Variants in OGDH observed in about 807,000 individuals in gnomAD.
OGDH encodes oxoglutarate dehydrogenase.
Under a neutral mutation model 116.6 loss-of-function variants are expected in OGDH, and 38 were observed. The observed-to-expected ratio is 0.33, with a 90% CI of 0.25 to 0.43. The LOEUF (loss-of-function observed/expected upper bound fraction) is 0.43, where lower values mean the gene tolerates loss of function less well. OGDH is among the 20% of genes least tolerant of loss of function. The probability of loss-of-function intolerance (pLI) is 1.00; values close to 1 mark genes in which losing one functional copy is unlikely to be tolerated. For synonymous variants in OGDH, 488 were observed against 533.3 expected, an observed-to-expected ratio of 0.92 and a Z score of 1.17; for missense variants, 825 against 1,357.2, an observed-to-expected ratio of 0.61 and a Z score of 6.16.
At chr7:44,660,669 C>G (rs1381049589) in intron 4 of OGDH, among the ~76,000 whole-genome samples, 1 of 152,098 alleles carries the variant, frequency 6.6e-6, no homozygotes, top group Non-Finnish European at 1.5e-5. Context: ...TGGTTCATGC[C>G]TATAAACCCA....
At chr7:44,683,282 T>C (rs577917607) in intron 10 of OGDH, among the ~76,000 whole-genome samples, 1 of 152,318 alleles carries the variant, frequency 6.6e-6, no homozygotes, top group African/African-American at 2.4e-5. Flanking sequence ...CACGCTGGAG[T>C]GTAGGGGCAT....
intron 5 of OGDH, among the ~76,000 whole-genome samples, chr7:44,669,144 G>GTTTTTTTTTTTTT (rs1585325619): frequency 9.7e-6 from 1 of 102,956 alleles, no homozygotes; most frequent in Non-Finnish European, 1.7e-5. Context: ...GAGCCCGGCA[G>GTTTTTTTTTTTTT]CTTTTTTTTT....
chr7:44,606,923 G>C (rs914447758), intron 1 of OGDH, among the ~76,000 whole-genome samples: 12 of 152,142 alleles, frequency 7.9e-5, no homozygotes, highest in Non-Finnish European at 1.6e-4. Flanking sequence ...GAGGTCGCGC[G>C]GGGCGCGGAG....
At chr7:44,650,186 T>A (rs1786374839) in intron 4 of OGDH, among the ~76,000 whole-genome samples, 1 of 152,172 alleles carries the variant, frequency 6.6e-6, no homozygotes, top group African/African-American at 2.4e-5. Context: ...CGTAAACTTG[T>A]TAAAACATTT....
chr7:44,669,216 A>C (rs1562655333), intron 5 of OGDH, among the ~76,000 whole-genome samples: 1 of 143,344 alleles, frequency 7.0e-6, no homozygotes, highest in Non-Finnish European at 1.5e-5. Flanking sequence ...GCAGTGGCAC[A>C]ATCATGGCCC....
intron 5 of OGDH, among the ~76,000 whole-genome samples, chr7:44,668,257 T>C (rs2116068406): frequency 6.6e-6 from 1 of 152,214 alleles, no homozygotes; most frequent in African/African-American, 2.4e-5. Flanking sequence ...GCCAAGATCG[T>C]GAAACGCCAT....
In OGDH at chr7:44,624,312, T is replaced by TTTAA; in HGVS notation, c.-27-5_-27-4insTTAA. ...TCTTGTTTTTTTTTTTTTTTTTTTG[T>TTTAA]ACAGGCAGTTGTGAAAAACTTCAGG... On this transcript the variant is annotated splice_region_variant and splice_polypyrimidine_tract_variant and intron_variant, in intron 1 of 22. Transcript: ENST00000222673. The TTTAA allele has an allele frequency of 2.4e-6, 3 of 1,255,802 alleles. No homozygotes were observed. The highest frequency in any genetic ancestry group is 3.3e-6 in the Non-Finnish European group (3 of 905,942). The allele number at this position is 1,255,802 out of a possible 1,614,324, so 77.8% of individuals were successfully genotyped here.
At position 44,645,345 on chromosome 7, in the gene OGDH, C is replaced by G; in HGVS notation, c.241C>G (p.Arg81Gly). ...SVHKSWDIFF[R>G]NTNAGAPPGT... ...TCTTTAGTCATGGGACATTTTTTTT[C>G]GCAACACGAATGCCGGAGCCCCACC... The change falls in exon 3 of 23, where the codon CGC becomes GGC. Residue 81 changes from arginine (R) to glycine (G), a missense_variant. Transcript: ENST00000222673. 6.2e-6 allele frequency: 10 copies of G among 1,608,980 alleles called. No individual in the cohort carries two copies. The highest frequency in any genetic ancestry group is 7.6e-6 in the Non-Finnish European group (9 of 1,178,622).
At position 44,701,549 on chromosome 7, in the gene OGDH, A is replaced by G. The variant is rs773049239; in HGVS notation, c.2566A>G (p.Ile856Val). The G allele has an allele frequency of 2.5e-6, 4 of 1,613,900 alleles. No homozygotes were observed. The highest frequency in any genetic ancestry group is 3.4e-6 in the Non-Finnish European group (4 of 1,179,900). ...ILLPFRKPLI[I>V]FTPKSLLRHP... ...CTATTGTTCTGTATTTCAGTTAATT[A>G]TCTTCACCCCCAAATCCCTGTTGCG... The change falls in exon 20 of 23, where the codon ATC (isoleucine) becomes GTC (valine). Residue 856 changes from isoleucine (I) to valine (V), a missense_variant. Around this residue, in one of 7 missense-constraint regions of OGDH, gnomAD observed 212 missense variants for 284.3 expected, o/e 0.75. Transcript: ENST00000222673.
At chr7:44,667,692 C>T (rs1787245335) in intron 5 of OGDH, among the ~76,000 whole-genome samples, 1 of 152,182 alleles carries the variant, frequency 6.6e-6, no homozygotes, top group Non-Finnish European at 1.5e-5. Flanking sequence ...ATAAGGGTGA[C>T]TTCTATGCCC....
intron 10 of OGDH, among the ~76,000 whole-genome samples, chr7:44,682,269 C>T (rs879635738): frequency 6.6e-6 from 1 of 151,834 alleles, no homozygotes; most frequent in Non-Finnish European, 1.5e-5. Flanking sequence ...CCTGTGATCC[C>T]AGCTGCTTGG....
chr7:44,682,074 C>A (rs964372225), intron 10 of OGDH, among the ~76,000 whole-genome samples: 2 of 152,070 alleles, frequency 1.3e-5, no homozygotes, highest in African/African-American at 4.8e-5. Context: ...TAGTGAGACC[C>A]CCTTTCTCTG....
At chr7:44,660,299 A>T (rs1057399651) in intron 4 of OGDH, among the ~76,000 whole-genome samples, 2 of 152,026 alleles carry the variant, frequency 1.3e-5, no homozygotes, top group Admixed American at 6.6e-5. Flanking sequence ...TATTTTTAAA[A>T]TTTTTTATAG....
chr7:44,648,989 A>C (rs1486174496), intron 4 of OGDH, among the ~76,000 whole-genome samples: 1 of 151,954 alleles, frequency 6.6e-6, no homozygotes, highest in Non-Finnish European at 1.5e-5. Context: ...CTCACCCCTT[A>C]GTACAGCAAA....
rs41280651 is a variant in OGDH, at chr7:44,674,186, A to G, written c.789-225A>G. 2.7e-3 allele frequency among the ~76,000 whole-genome samples: 405 copies of G among 152,366 alleles called. 1 individual carries two copies. Among genetic ancestry groups the G allele is most frequent in the Non-Finnish European group, 4.2e-3 (283 of 68,034 alleles). ...CAGCCTCCTGAGTAGCAGGGATTAC[A>G]GAGGCACACCACCACGGCTGGCTAA... On this transcript the variant is annotated intron_variant, in intron 6 of 22. Coordinates refer to ENST00000222673, the MANE Select transcript of OGDH (RefSeq NM_002541.4).
At chr7:44,639,576 G>C (rs748323834) in intron 2 of OGDH, among the ~76,000 whole-genome samples, 13 of 152,206 alleles carry the variant, frequency 8.5e-5, no homozygotes, top group Non-Finnish European at 1.6e-4. Flanking sequence ...GTTTAGTGCA[G>C]TAGGTTTTGC....
intron 1 of OGDH, among the ~76,000 whole-genome samples, chr7:44,607,521 A>G (rs892727261): frequency 6.6e-6 from 1 of 152,140 alleles, no homozygotes; most frequent in Non-Finnish European, 1.5e-5. Flanking sequence ...TGCTCTGAAC[A>G]GCTGGGTTTA....
intron 5 of OGDH, among the ~76,000 whole-genome samples, chr7:44,668,644 G>A (rs1787291892): frequency 6.6e-6 from 1 of 152,130 alleles, no homozygotes; most frequent in African/African-American, 2.4e-5. Flanking sequence ...AGGGGGGAGT[G>A]ATAAGGATTA....
intron 4 of OGDH, among the ~76,000 whole-genome samples, chr7:44,653,420 G>A (rs901802055): frequency 2.6e-5 from 4 of 151,666 alleles, no homozygotes; most frequent in South Asian, 2.1e-4. Context: ...TGTAGCATTC[G>A]AATTAGTTTC....
Sources: gnomAD v4.1 joint callset for allele counts (sites outside exome capture counted in the v4.1 genomes callset) on GRCh38, gnomAD v4.1.1 for gene constraint, gnomAD v4.1.1 regional missense constraint, MANE v1.5 for transcripts, NCBI Gene and HGNC (gene_info 2026-07-23, HGNC 2026-07-21) for gene names.